The following DACH1 variants were observed in gnomAD, a reference collection of about 807,000 sequenced individuals.
The protein encoded by DACH1 is dachshund family transcription factor 1, also known as dachshund homolog 1.
In DACH1, 12 loss-of-function variants were observed where a neutral mutation model predicts 54.2. The ratio of observed to expected loss-of-function variants is 0.22; its 90% CI spans 0.14 to 0.36. The LOEUF is 0.36. DACH1 is among the 10% of genes least tolerant of loss of function. The pLI, the probability that DACH1 is intolerant of heterozygous loss-of-function variation, is 1.00. For synonymous variants in DACH1, 386 were observed against 366.2 expected, an observed-to-expected ratio of 1.05 and a Z score of -0.62; for missense variants, 805 against 929.8, an observed-to-expected ratio of 0.87 and a Z score of 1.75.
chr13:71,856,281 G>C (rs1047509584), intron 1 of DACH1, among the ~76,000 whole-genome samples: 1 of 151,844 alleles, frequency 6.6e-6, no homozygotes, highest in African/African-American at 2.4e-5. Context: ...GTCCCTGGGG[G>C]TCTTTTGGCA....
chr13:71,662,463 A>C (rs1442966627), intron 2 of DACH1, among the ~76,000 whole-genome samples: 1 of 151,886 alleles, frequency 6.6e-6, no homozygotes, highest in Non-Finnish European at 1.5e-5. Context: ...GCCAAAATTT[A>C]CTCATCTGTA....
At chr13:71,593,855 T>C (rs142070934) in intron 3 of DACH1, among the ~76,000 whole-genome samples, 146 of 152,012 alleles carry the variant, frequency 9.6e-4, no homozygotes, top group Middle Eastern at 3.8e-3. Context: ...TGGTTCATAT[T>C]GAATTTGACT....
At position 71,559,876 on chromosome 13, in the gene DACH1, C is replaced by A. The variant is rs766184140; in HGVS notation, c.1379G>T (p.Arg460Leu). The A allele has an allele frequency of 4.3e-6, 7 of 1,612,808 alleles. No homozygotes were observed. The South Asian group carries it at 7.7e-5, about 18-fold the overall frequency. ...RRPGSHPSSH[R>L]SSSVSSSPAR... ...AGGGGAGCTGGACACGCTGCTGCTG[C>A]GATGTGATGATGGGTGACTGCCAGG... The change falls in exon 5 of 11, where the codon CGC becomes CTC. Residue 460 changes from arginine (R) to leucine (L), a missense_variant. By Grantham distance (102) the Arg-to-Leu change is moderately radical (BLOSUM62 -2). Around this residue, in one of 3 missense-constraint regions of DACH1, gnomAD observed 472 missense variants for 545.3 expected, o/e 0.87. Coordinates refer to ENST00000613252, the MANE Select transcript of DACH1 (RefSeq NM_080759.6).
intron 1 of DACH1, among the ~76,000 whole-genome samples, chr13:71,758,443 A>C (rs1885258357): frequency 6.6e-6 from 1 of 152,234 alleles, no homozygotes; most frequent in Non-Finnish European, 1.5e-5. Flanking sequence ...TGTTTTATAC[A>C]TATAAAAGGT....
chr13:71,857,941 CTA>C (rs1318928394), intron 1 of DACH1, among the ~76,000 whole-genome samples: 1 of 151,550 alleles, frequency 6.6e-6, no homozygotes, highest in Non-Finnish European at 1.5e-5. Flanking sequence ...AAATATAAGA[CTA>C]TGAATAAAAC....
intron 3 of DACH1, among the ~76,000 whole-genome samples, chr13:71,611,345 A>T (rs78670147): frequency 0.1 from 15,960 of 152,214 alleles, 1,589 homozygotes; most frequent in East Asian, 0.45. Context: ...GTACTGAATT[A>T]AAAAAATGGT....
chr13:71,791,673 C>T (rs1471673952), intron 1 of DACH1, among the ~76,000 whole-genome samples: 2 of 152,160 alleles, frequency 1.3e-5, no homozygotes, highest in Non-Finnish European at 2.9e-5. Flanking sequence ...CATGAGCCAC[C>T]GCTCCTGGCC....
At chr13:71,862,471 C>T (rs901657822) in intron 1 of DACH1, among the ~76,000 whole-genome samples, 6 of 152,058 alleles carry the variant, frequency 3.9e-5, no homozygotes, top group Non-Finnish European at 8.8e-5. Context: ...CAAGGACAGA[C>T]TTTGTCCTTT....
chr13:71,602,766 T>C (rs1232199281), intron 3 of DACH1, among the ~76,000 whole-genome samples: 1 of 152,002 alleles, frequency 6.6e-6, no homozygotes, highest in Non-Finnish European at 1.5e-5. Context: ...GTACTCACCA[T>C]GTGCATGCCA....
chr13:71,594,067 T>G lies in DACH1; in HGVS notation c.1127-21055A>C, dbSNP rs567910058. Among the ~76,000 whole-genome samples, 7 of 151,440 alleles carry G rather than the reference T, an allele frequency of 4.6e-5. No individual in the cohort carries two copies. In the East Asian group the frequency reaches 1.4e-3, roughly 30 times the overall value. On this transcript the variant is annotated intron_variant, in intron 3 of 10. Coordinates refer to ENST00000613252, the MANE Select transcript of DACH1 (RefSeq NM_080759.6). ...AACATAAAATGCATATTTTCATAAC[T>G]TGGTGTTTTAAATAAAATCTAATTA...
chr13:71,734,907 T>TATATCCCATATATGTATATATAC (rs1883939256), intron 1 of DACH1, among the ~76,000 whole-genome samples: 1 of 149,368 alleles, frequency 6.7e-6, no homozygotes, highest in Non-Finnish European at 1.5e-5. Flanking sequence ...TACATATATG[T>TATATCCCATATATGTATATATAC]ATATCCCATA....
chr13:71,788,268 G>T (rs1886687710), intron 1 of DACH1, among the ~76,000 whole-genome samples: 1 of 152,104 alleles, frequency 6.6e-6, no homozygotes, highest in South Asian at 2.1e-4. Context: ...ATCAATCTAT[G>T]AAACAAAGAG....
rs2060267853 is a variant in DACH1, at chr13:71,575,980, G to C, written c.1127-2968C>G. ...TTGAAAATAGGCCACTTCAGAACAAGACCTGCCCACAGTTATTAAGTGCAT... is the reference window on the plus strand; with the variant it reads ...TTGAAAATAGGCCACTTCAGAACAACACCTGCCCACAGTTATTAAGTGCAT... On this transcript the variant is annotated intron_variant, in intron 3 of 10. Transcript: ENST00000613252. Among the ~76,000 whole-genome samples the C allele has an allele frequency of 2.0e-5, 3 of 151,968 alleles. No individual in the cohort carries two copies. The South Asian group carries it at 6.2e-4, about 31-fold the overall frequency.
chr13:71,748,396 G>A (rs1252909489), intron 1 of DACH1, among the ~76,000 whole-genome samples: 1 of 152,072 alleles, frequency 6.6e-6, no homozygotes, highest in South Asian at 2.1e-4. Flanking sequence ...AAAAGTGCTT[G>A]GAAATCATTT....
intron 1 of DACH1, among the ~76,000 whole-genome samples, chr13:71,846,744 T>C (rs1371528390): frequency 6.6e-6 from 1 of 152,230 alleles, no homozygotes; most frequent in Non-Finnish European, 1.5e-5. Context: ...CCTCTACTTG[T>C]CAGGTACTAG....
chr13:71,626,559 GT>G (rs1372733341), intron 3 of DACH1, among the ~76,000 whole-genome samples: 1 of 151,930 alleles, frequency 6.6e-6, no homozygotes, highest in Non-Finnish European at 1.5e-5. Context: ...TGTGGATAGT[GT>G]TGCCACTAAA....
intron 6 of DACH1, among the ~76,000 whole-genome samples, chr13:71,528,198 A>C (rs1882139097): frequency 6.6e-6 from 1 of 152,182 alleles, no homozygotes; most frequent in Non-Finnish European, 1.5e-5. Context: ...CCATTCATTC[A>C]GACATAAGGG....
chr13:71,553,805 G>C (rs1229350661), intron 6 of DACH1, among the ~76,000 whole-genome samples: 1 of 150,784 alleles, frequency 6.6e-6, no homozygotes, highest in Non-Finnish European at 1.5e-5. Flanking sequence ...TAATTTTTTG[G>C]GCTAATAGAA....
intron 4 of DACH1, among the ~76,000 whole-genome samples, chr13:71,568,920 T>C (rs1885043987): frequency 6.6e-6 from 1 of 152,150 alleles, no homozygotes; most frequent in Middle Eastern, 3.4e-3. Context: ...ATTGTGCATA[T>C]ATCCACACAA....
Sources: gnomAD v4.1 joint callset for allele counts (sites outside exome capture counted in the v4.1 genomes callset) on GRCh38, gnomAD v4.1.1 for gene constraint, gnomAD v4.1.1 regional missense constraint, MANE v1.5 for transcripts, NCBI Gene and HGNC (gene_info 2026-07-23, HGNC 2026-07-21) for gene names.